Variants in CSMD1 observed in about 807,000 individuals in gnomAD.
The protein encoded by CSMD1 is CUB and sushi domain-containing protein 1.
In CSMD1, 213 loss-of-function variants were observed where a neutral mutation model predicts 417.5. The observed-to-expected ratio is 0.51, with a 90% CI of 0.46 to 0.57. CSMD1 has a LOEUF of 0.57. Ranked by LOEUF, CSMD1 falls within the 20% of genes least tolerant of loss-of-function variation. CSMD1 has a pLI of 0.00. For synonymous variants in CSMD1, 2,862 were observed against 1,736.8 expected (o/e 1.65, Z -16.11); for missense variants, 6,923 against 4,529.7 (o/e 1.53, Z -15.17).
chr8:4,151,453 T>C (rs1437389653), intron 3 of CSMD1, among the ~76,000 whole-genome samples: 3 of 152,314 alleles, frequency 2.0e-5, no homozygotes, highest in East Asian at 1.9e-4. Context: ...CAATAAGATA[T>C]TGAATCACCC....
rs146340699 is a variant in CSMD1, at chr8:4,138,718, G to C, written c.416-106619C>G. Among the ~76,000 whole-genome samples the C allele has an allele frequency of 6.3e-3, 965 of 152,160 alleles. 11 individuals carry two copies. The highest frequency in any genetic ancestry group is 0.022 in the African/African-American group (928 of 41,516). On this transcript the variant is annotated intron_variant, in intron 3 of 69. Transcript: ENST00000635120. The stretch of plus-strand genomic sequence containing the variant: ...AATTCAATATTTCTTCATTTTTTAA[G>C]TGCCAATTTAACTAGAGGAAAAATA...
chr8:4,342,358 C>G (rs111811285), intron 3 of CSMD1, among the ~76,000 whole-genome samples: 3,974 of 152,100 alleles, frequency 0.026, 156 homozygotes, highest in African/African-American at 0.091. Context: ...TATGTGTATA[C>G]ATTCTACAGC....
At chr8:3,209,823 C>T (rs534265061) in intron 30 of CSMD1, among the ~76,000 whole-genome samples, 1 of 152,198 alleles carries the variant, frequency 6.6e-6, no homozygotes, top group South Asian at 2.1e-4. Flanking sequence ...CTAATGGTAA[C>T]AAGAAGCTTG....
chr8:4,734,268 A>T (rs775101369), intron 1 of CSMD1, among the ~76,000 whole-genome samples: 1 of 152,166 alleles, frequency 6.6e-6, no homozygotes, highest in Admixed American at 6.6e-5. Context: ...AAATCCTTTT[A>T]AAAAATGTGA....
intron 10 of CSMD1, among the ~76,000 whole-genome samples, chr8:3,516,341 C>G (rs1040455531): frequency 1.7e-4 from 26 of 152,158 alleles, no homozygotes; most frequent in African/African-American, 6.3e-4. Context: ...GATGAATAGA[C>G]TTCTTCCAAG....
chr8:2,973,756 T>A (rs73179595), intron 56 of CSMD1, among the ~76,000 whole-genome samples: 21,928 of 152,134 alleles, frequency 0.14, 1,701 homozygotes, highest in East Asian at 0.23. Context: ...TTAAGAAACA[T>A]TCGTGAAAAA....
intron 3 of CSMD1, among the ~76,000 whole-genome samples, chr8:4,036,860 G>A (rs962533919): frequency 1.3e-5 from 2 of 152,308 alleles, no homozygotes; most frequent in African/African-American, 4.8e-5. Flanking sequence ...ATCTCTGCAT[G>A]AGGTATGTCC....
At chr8:3,170,454 C>T (rs577461870) in intron 37 of CSMD1, among the ~76,000 whole-genome samples, 27 of 152,272 alleles carry the variant, frequency 1.8e-4, no homozygotes, top group African/African-American at 4.8e-4. Context: ...GTCATCCGCC[C>T]GCCTCGGCCT....
At chr8:3,361,604 A>G (rs933588169) in intron 20 of CSMD1, among the ~76,000 whole-genome samples, 8 of 132,448 alleles carry the variant, frequency 6.0e-5, no homozygotes, top group African/African-American at 2.2e-4. Context: ...GTGAGCTGAG[A>G]TTGCACCACT....
At chr8:4,171,060 C>T (rs1797736885) in intron 3 of CSMD1, among the ~76,000 whole-genome samples, 1 of 151,872 alleles carries the variant, frequency 6.6e-6, no homozygotes, top group South Asian at 2.1e-4. Flanking sequence ...CCTCATCTGT[C>T]AGTGTTCCCC....
At chr8:3,401,674 G>A (rs1198533595) in intron 15 of CSMD1, among the ~76,000 whole-genome samples, 1 of 152,152 alleles carries the variant, frequency 6.6e-6, no homozygotes, top group Non-Finnish European at 1.5e-5. Context: ...TGAGACACAG[G>A]TCCCTTCTTC....
At chr8:3,822,673 T>A (rs1801804710) in intron 5 of CSMD1, among the ~76,000 whole-genome samples, 1 of 152,200 alleles carries the variant, frequency 6.6e-6, no homozygotes, top group Non-Finnish European at 1.5e-5. Flanking sequence ...CTTCTCAGCT[T>A]CACAGTCACG....
intron 15 of CSMD1, among the ~76,000 whole-genome samples, chr8:3,402,485 C>A (rs1232613147): frequency 6.6e-6 from 1 of 152,032 alleles, no homozygotes; most frequent in Non-Finnish European, 1.5e-5. Context: ...CTGTTAGAAG[C>A]AGAAGAAAGA....
chr8:4,233,230 G>A (rs1485090083), intron 3 of CSMD1, among the ~76,000 whole-genome samples: 1 of 152,088 alleles, frequency 6.6e-6, no homozygotes, highest in Admixed American at 6.5e-5. Context: ...TCTTTTTGAA[G>A]TTAACACTGT....
chr8:4,907,186 T>A (rs559133320), intron 1 of CSMD1, among the ~76,000 whole-genome samples: 2 of 152,348 alleles, frequency 1.3e-5, no homozygotes, highest in African/African-American at 4.8e-5. Flanking sequence ...GTCCTTCTAT[T>A]TTTTCCACAA....
intron 41 of CSMD1, among the ~76,000 whole-genome samples, chr8:3,122,128 T>C (rs1025190757): frequency 3.3e-5 from 5 of 152,174 alleles, no homozygotes; most frequent in Admixed American, 6.5e-5. Context: ...CAGTGCTATC[T>C]TTTGAGATGT....
At chr8:4,787,167 T>C (rs958851420) in intron 1 of CSMD1, among the ~76,000 whole-genome samples, 1 of 152,212 alleles carries the variant, frequency 6.6e-6, no homozygotes, top group Non-Finnish European at 1.5e-5. Context: ...TCGGCCGCTG[T>C]AGCGGAGCTC....
chr8:4,521,869 G>T (rs912571065), intron 2 of CSMD1, among the ~76,000 whole-genome samples: 3 of 152,292 alleles, frequency 2.0e-5, no homozygotes, highest in Admixed American at 6.5e-5. Flanking sequence ...TTTAGCTCCT[G>T]GGAAAACTGT....
intron 3 of CSMD1, among the ~76,000 whole-genome samples, chr8:4,152,403 G>A (rs905106416): frequency 2.6e-5 from 4 of 152,036 alleles, no homozygotes; most frequent in Admixed American, 1.3e-4. Context: ...CTTAGGCCAG[G>A]CACAGTGGCT....
Sources: gnomAD v4.1 joint callset for allele counts (sites outside exome capture counted in the v4.1 genomes callset) on GRCh38, gnomAD v4.1.1 for gene constraint, MANE v1.5 for transcripts, NCBI Gene and HGNC (gene_info 2026-07-23, HGNC 2026-07-21) for gene names.